Variants in R3HCC1L observed in about 807,000 individuals in gnomAD.
The protein encoded by R3HCC1L is R3H domain and coiled-coil containing 1 like.
A neutral mutation model predicts 59.9 loss-of-function variants in R3HCC1L; 51 were observed. The ratio of observed to expected loss-of-function variants is 0.85; its 90% confidence interval spans 0.68 to 1.07. The LOEUF is 1.07. Ranked by LOEUF, R3HCC1L falls within the 50% of genes least tolerant of loss-of-function variation. R3HCC1L has a pLI of 0.00. For synonymous variants in R3HCC1L, 322 were observed against 315.2 expected, an observed-to-expected ratio of 1.02 and a Z score of -0.23; for missense variants, 965 against 933.0, an observed-to-expected ratio of 1.03 and a Z score of -0.45.
At chr10:98,172,796 A>G (rs547214984) in intron 4 of R3HCC1L, among the ~76,000 whole-genome samples, 11 of 152,320 alleles carry the variant, frequency 7.2e-5, no homozygotes, top group Non-Finnish European at 1.6e-4. Context: ...GTATGTATTC[A>G]GTATGAGGCT....
intron 2 of R3HCC1L, among the ~76,000 whole-genome samples, chr10:98,159,353 ATTTATT>A (rs1374693422): frequency 1.3e-5 from 2 of 152,238 alleles, no homozygotes; most frequent in African/African-American, 2.4e-5. Context: ...AATATACATC[ATTTATT>A]TTTATGTTTA....
chr10:98,181,864 G>C (rs1265599187), intron 4 of R3HCC1L, among the ~76,000 whole-genome samples: 1 of 152,070 alleles, frequency 6.6e-6, no homozygotes, highest in African/African-American at 2.4e-5. Context: ...AGCTCCATCA[G>C]GTCATTTAAG....
At chr10:98,154,008 G>T (rs996537181) in intron 1 of R3HCC1L, among the ~76,000 whole-genome samples, 4 of 152,052 alleles carry the variant, frequency 2.6e-5, no homozygotes, top group Non-Finnish European at 5.9e-5. Context: ...TTCCTTTAAG[G>T]ATACTTCCTG....
intron 4 of R3HCC1L, among the ~76,000 whole-genome samples, chr10:98,178,588 C>T (rs1267875756): frequency 2.6e-5 from 4 of 152,048 alleles, no homozygotes; most frequent in African/African-American, 9.7e-5. Context: ...TAGTTTTTTT[C>T]CAATTCTGTG....
chr10:98,223,169 A>G lies in R3HCC1L; in HGVS notation c.1786-8343A>G, dbSNP rs544447225. ...ATTCCAATCAATAGAATAAGAGGGA[A>G]TCCTCCCTAACTCATTTTATGAGGC... On this transcript the variant is annotated intron_variant, in intron 5 of 9. Coordinates refer to ENST00000298999, the MANE Select transcript of R3HCC1L (RefSeq NM_001351015.2). Among the ~76,000 whole-genome samples the G allele has an allele frequency of 5.9e-5, 9 of 152,338 alleles. No individual in the cohort carries two copies. The South Asian group carries it at 1.7e-3, about 28-fold the overall frequency.
chr10:98,222,627 A>G (rs1012842198), intron 5 of R3HCC1L, among the ~76,000 whole-genome samples: 7 of 152,238 alleles, frequency 4.6e-5, no homozygotes, highest in African/African-American at 1.2e-4. Flanking sequence ...TTCTGCATCT[A>G]TTGAGATAAT....
At chr10:98,200,967 T>C (rs544849049) in intron 4 of R3HCC1L, among the ~76,000 whole-genome samples, 3 of 152,314 alleles carry the variant, frequency 2.0e-5, no homozygotes, top group Admixed American at 2.0e-4. Context: ...GCAGTAACCT[T>C]GGTAACCCAA....
intron 1 of R3HCC1L, among the ~76,000 whole-genome samples, chr10:98,153,971 A>C (rs1362204323): frequency 6.6e-6 from 1 of 152,176 alleles, no homozygotes. Context: ...CAATCATCAG[A>C]AGGAGAAAGA....
chr10:98,168,040 T>C (rs536050587), intron 4 of R3HCC1L, among the ~76,000 whole-genome samples: 7 of 152,290 alleles, frequency 4.6e-5, no homozygotes, highest in East Asian at 1.9e-4. Context: ...AAACCCAGAA[T>C]AGACCCAGGA....
chr10:98,184,455 C>G (rs1175711041), intron 4 of R3HCC1L, among the ~76,000 whole-genome samples: 1 of 152,116 alleles, frequency 6.6e-6, no homozygotes, highest in East Asian at 1.9e-4. Flanking sequence ...ACATGCTGTA[C>G]AGGTTTGTAG....
intron 2 of R3HCC1L, among the ~76,000 whole-genome samples, chr10:98,159,372 C>T (rs1038164284): frequency 1.8e-4 from 28 of 152,012 alleles, no homozygotes; most frequent in Non-Finnish European, 5.9e-5. Context: ...TATGTTTAAC[C>T]ATTTTTAAGT....
intron 1 of R3HCC1L, among the ~76,000 whole-genome samples, chr10:98,150,949 T>C (rs1455652328): frequency 2.0e-5 from 3 of 152,172 alleles, no homozygotes; most frequent in Admixed American, 1.3e-4. Flanking sequence ...CCTTATTCTC[T>C]TTTTCCGGTG....
At chr10:98,224,951 G>A (rs537408794) in intron 5 of R3HCC1L, among the ~76,000 whole-genome samples, 1 of 152,228 alleles carries the variant, frequency 6.6e-6, no homozygotes, top group East Asian at 1.9e-4. Flanking sequence ...GCATTTTCTA[G>A]TAGCCATATT....
chr10:98,158,527 G>A (rs1417055972), intron 2 of R3HCC1L, among the ~76,000 whole-genome samples: 1 of 152,052 alleles, frequency 6.6e-6, no homozygotes, highest in African/African-American at 2.4e-5. Context: ...TTTCTCTCTC[G>A]TGAGAGTAAA....
At position 98,152,004 on chromosome 10, in the gene R3HCC1L, C is replaced by T. The variant is rs1846213511; in HGVS notation, c.-267-4089C>T. Among the ~76,000 whole-genome samples the T allele has an allele frequency of 5.3e-5, 8 of 152,220 alleles. 1 individual carries two copies. The South Asian group carries it at 1.7e-3, about 32-fold the overall frequency. On this transcript the variant is annotated intron_variant, in intron 1 of 9. Coordinates refer to ENST00000298999, the MANE Select transcript of R3HCC1L (RefSeq NM_001351015.2). The stretch of plus-strand genomic sequence containing the variant: ...TCCACGGTCTCCCTCTGATGCCGAG[C>T]CGAAGCTGGACTGTACTGCTGCCAT...
intron 4 of R3HCC1L, among the ~76,000 whole-genome samples, chr10:98,178,392 C>T (rs866564152): frequency 3.3e-4 from 50 of 152,100 alleles, no homozygotes; most frequent in African/African-American, 1.2e-3. Flanking sequence ...GGTATTATTT[C>T]TGAGGCCTCT....
intron 4 of R3HCC1L, among the ~76,000 whole-genome samples, chr10:98,191,573 A>G (rs924963429): frequency 6.6e-6 from 1 of 152,076 alleles, no homozygotes; most frequent in Non-Finnish European, 1.5e-5. Flanking sequence ...AGATGAGTAG[A>G]TTGCAAAAAT....
In R3HCC1L at chr10:98,209,860, CGAT is replaced by C. The variant is rs753504049; in HGVS notation, c.1751_1753del (p.Asp584del). The C allele has an allele frequency of 6.2e-7, 1 of 1,613,366 alleles. No individual in the cohort carries two copies. ...AGGAGAGCTGGGAGTCTATGTTTAA[CGAT>C]GATGGTGACTGCCTGGATCCACGTC... On this transcript the variant is annotated inframe_deletion, in exon 5 of 10. Transcript: ENST00000298999.
At chr10:98,203,473 A>G (rs1339790954) in intron 4 of R3HCC1L, among the ~76,000 whole-genome samples, 1 of 152,226 alleles carries the variant, frequency 6.6e-6, no homozygotes, top group East Asian at 1.9e-4. Context: ...TGAACTAACA[A>G]ATACAGAATT....
Sources: gnomAD v4.1 joint callset for allele counts (sites outside exome capture counted in the v4.1 genomes callset) on GRCh38, gnomAD v4.1.1 for gene constraint, MANE v1.5 for transcripts, NCBI Gene and HGNC (gene_info 2026-07-23, HGNC 2026-07-21) for gene names.